Variants in SCAI observed in about 807,000 individuals in gnomAD.
SCAI encodes the protein suppressor of cancer cell invasion.
SCAI carries 24 observed loss-of-function variants against 92.2 expected under a neutral mutation model. The observed-to-expected ratio is 0.26, with a 90% CI of 0.19 to 0.37. SCAI has a LOEUF of 0.37. Ranked by LOEUF, SCAI falls within the 10% of genes least tolerant of loss-of-function variation. The probability of loss-of-function intolerance (pLI) is 1.00; values close to 1 mark genes in which losing one functional copy is unlikely to be tolerated. For synonymous variants in SCAI, 261 were observed against 258.6 expected, an observed-to-expected ratio of 1.01 and a Z score of -0.09; for missense variants, 450 against 736.2, an observed-to-expected ratio of 0.61 and a Z score of 4.50.
chr9:125,057,397 A>G (rs1422517251), intron 2 of SCAI, among the ~76,000 whole-genome samples: 3 of 152,186 alleles, frequency 2.0e-5, no homozygotes, highest in African/African-American at 4.8e-5. Flanking sequence ...GTGAAGAAAT[A>G]TTTGCAGAAA....
Position 124,943,162 on chromosome 9 carries a change from C to G in SCAI, c.*9645G>C, listed in dbSNP as rs1241455612. ...CTTAAGCAATTTAGAACACAACTGA[C>G]AAGACTTTTACAATACCACAAATGT... is the stretch of plus-strand genomic sequence containing the variant. On this transcript the variant is annotated 3_prime_UTR_variant, in exon 18 of 18. Transcript: ENST00000336505. 1 of 152,192 alleles carries G rather than the reference C, an allele frequency of 6.6e-6. No homozygotes were observed. Among genetic ancestry groups the G allele is most frequent in the African/African-American group, 2.4e-5 (1 of 41,456 alleles). 9.4% of individuals were successfully genotyped at this position (152,192 alleles called of 1,614,324 possible).
intron 2 of SCAI, among the ~76,000 whole-genome samples, chr9:125,092,237 T>A (rs1007537122): frequency 2.1e-5 from 3 of 145,248 alleles, no homozygotes; most frequent in African/African-American, 7.6e-5. Flanking sequence ...GGGAGGTGGA[T>A]CACTTGAGGT....
chr9:125,013,939 T>A (rs1334879627), intron 9 of SCAI, among the ~76,000 whole-genome samples: 1 of 152,152 alleles, frequency 6.6e-6, no homozygotes, highest in Non-Finnish European at 1.5e-5. Flanking sequence ...CACATGATTA[T>A]CTCAATAGAT....
chr9:125,019,256 C>A, intron 7 of SCAI, 51 bp from the exon 8 acceptor site: 2 of 1,034,870 alleles, frequency 1.9e-6, no homozygotes, highest in Non-Finnish European at 2.9e-6. Flanking sequence ...CATAAAAACA[C>A]ACAGCCATAT....
intron 14 of SCAI, among the ~76,000 whole-genome samples, chr9:124,980,460 T>G (rs941899087): frequency 1.3e-5 from 2 of 152,154 alleles, no homozygotes; most frequent in African/African-American, 4.8e-5. Flanking sequence ...TTAGCAGAAC[T>G]GATAAAGAGT....
At chr9:124,999,774 C>T (rs1405346003) in intron 13 of SCAI, 117 bp downstream of exon 13, 6 of 607,102 alleles carry the variant, frequency 9.9e-6, no homozygotes, top group Non-Finnish European at 1.7e-5. Flanking sequence ...GTCCCTAAAT[C>T]TTAGTCTAAG....
chr9:124,984,664 T>C (rs1290587822), intron 14 of SCAI, among the ~76,000 whole-genome samples: 1 of 152,160 alleles, frequency 6.6e-6, no homozygotes, highest in Non-Finnish European at 1.5e-5. Flanking sequence ...GAAAGCTGTA[T>C]ATGGAAGAGC....
chr9:125,116,794 T>G (rs2131242001), intron 2 of SCAI, among the ~76,000 whole-genome samples: 1 of 152,254 alleles, frequency 6.6e-6, no homozygotes, highest in Non-Finnish European at 1.5e-5. Flanking sequence ...AAATCATTGT[T>G]TTCTCTTGAA....
At chr9:125,041,317 G>A (rs1265862777) in intron 3 of SCAI, among the ~76,000 whole-genome samples, 3 of 152,190 alleles carry the variant, frequency 2.0e-5, no homozygotes, top group African/African-American at 7.2e-5. Context: ...CTAATCAGAT[G>A]TTTTTAAATG....
At chr9:125,135,352 A>G (rs1394741470) in intron 2 of SCAI, among the ~76,000 whole-genome samples, 1 of 152,224 alleles carries the variant, frequency 6.6e-6, no homozygotes, top group Non-Finnish European at 1.5e-5. Context: ...ATATCCTAAA[A>G]TAAAAATCAT....
intron 9 of SCAI, among the ~76,000 whole-genome samples, chr9:125,007,779 TC>T (rs34301970): frequency 0.012 from 1,839 of 152,074 alleles, 94 homozygotes; most frequent in Admixed American, 0.083. Flanking sequence ...CACCCCAGTC[TC>T]CCAAGCAGCT....
chr9:125,028,292 G>A (rs111270462), intron 5 of SCAI, 100 bp downstream of exon 5: 13 of 666,958 alleles, frequency 1.9e-5, no homozygotes, highest in African/African-American at 1.3e-4. Flanking sequence ...TGTAACTCGT[G>A]ATTTTCATGC....
At chr9:125,011,424 AG>A (rs1832637510) in intron 9 of SCAI, among the ~76,000 whole-genome samples, 1 of 152,230 alleles carries the variant, frequency 6.6e-6, no homozygotes, top group Admixed American at 6.5e-5. Context: ...ACTGGAAGAA[AG>A]GGTATCAGTG....
At chr9:125,122,320 G>T (rs995145768) in intron 2 of SCAI, among the ~76,000 whole-genome samples, 2 of 152,086 alleles carry the variant, frequency 1.3e-5, no homozygotes, top group African/African-American at 4.8e-5. Flanking sequence ...GCCAGGCACG[G>T]TGGCTCATGC....
chr9:125,027,770 T>G (rs906772480), intron 5 of SCAI, among the ~76,000 whole-genome samples: 1 of 152,160 alleles, frequency 6.6e-6, no homozygotes, highest in East Asian at 1.9e-4. Context: ...TGCCTTGGCC[T>G]CCCAAAGTCC....
At chr9:125,132,750 C>T (rs369316189) in intron 2 of SCAI, among the ~76,000 whole-genome samples, 15 of 152,204 alleles carry the variant, frequency 9.9e-5, no homozygotes, top group East Asian at 9.7e-4. Context: ...AGGCAGATCA[C>T]GAGGACAGGA....
intron 3 of SCAI, among the ~76,000 whole-genome samples, chr9:125,043,724 G>T (rs560078500): frequency 3.3e-5 from 5 of 152,180 alleles, no homozygotes; most frequent in Non-Finnish European, 4.4e-5. Context: ...AGGTTCAAGC[G>T]ATTCTCACGC....
chr9:125,059,046 C>T (rs769331207), intron 2 of SCAI, among the ~76,000 whole-genome samples: 5 of 152,160 alleles, frequency 3.3e-5, no homozygotes, highest in Non-Finnish European at 5.9e-5. Context: ...GGGATAGTTT[C>T]AGAATACTTC....
rs534662707 is a variant in SCAI, at chr9:125,027,019, TG to T, written c.414-110del. On this transcript the variant is annotated intron_variant, in intron 5 of 17. Coordinates refer to ENST00000336505, the MANE Select transcript of SCAI (RefSeq NM_001144877.3). ...TCCTCTGTGGCACGGGGTGCGGGGGTGGGAATGACTGTCCTAAATTTGAATC... is the reference window on the plus strand; with the variant it reads ...TCCTCTGTGGCACGGGGTGCGGGGGTGGAATGACTGTCCTAAATTTGAATC... The T allele has an allele frequency of 1.5e-3, 730 of 484,708 alleles. 1 individual carries two copies. The highest frequency in any genetic ancestry group is 4.1e-3 in the Admixed American group (112 of 27,302). 30.0% of individuals were successfully genotyped at this position (484,708 alleles called of 1,614,324 possible). A position where few individuals can be genotyped will look rare whatever the true frequency, so the allele number is the denominator to read the frequency against.
Sources: gnomAD v4.1 joint callset for allele counts (sites outside exome capture counted in the v4.1 genomes callset) on GRCh38, gnomAD v4.1.1 for gene constraint, MANE v1.5 for transcripts, NCBI Gene and HGNC (gene_info 2026-07-23, HGNC 2026-07-21) for gene names.